The following FANCD2 variants were observed in gnomAD, a reference collection of about 807,000 sequenced individuals.
FANCD2 encodes Fanconi anemia group D2 protein.
Under a neutral mutation model 192.3 loss-of-function variants are expected in FANCD2, and 131 were observed. The observed-to-expected ratio is 0.68, with a 90% CI of 0.59 to 0.79. The LOEUF (loss-of-function observed/expected upper bound fraction) is 0.79, where lower values mean the gene tolerates loss of function less well. Among genes scored for constraint, FANCD2 ranks in the 30% least tolerant of loss-of-function variants. The pLI, the probability that FANCD2 is intolerant of heterozygous loss-of-function variation, is 0.00. For synonymous variants in FANCD2, 524 were observed against 612.5 expected, an observed-to-expected ratio of 0.86 and a Z score of 2.13; for missense variants, 1,508 against 1,701.6, an observed-to-expected ratio of 0.89 and a Z score of 2.00.
At chr3:10,074,746 A>G (rs1693444410) in intron 29 of FANCD2, 73 bp downstream of exon 29, 1 of 1,419,542 alleles carries the variant, frequency 7.0e-7, no homozygotes, top group African/African-American at 1.4e-5. Context: ...TTATTTCACA[A>G]AGAACACTGT....
chr3:10,038,607 T>A (rs1274670290), intron 7 of FANCD2, among the ~76,000 whole-genome samples: 3 of 141,084 alleles, frequency 2.1e-5, no homozygotes, highest in Non-Finnish European at 1.5e-5. Flanking sequence ...TGAGACAGAG[T>A]CTTGGCTCTG....
chr3:10,042,631 C>A lies in FANCD2; in HGVS notation c.856C>A (p.Leu286Ile). The A allele has an allele frequency of 6.2e-7, 1 of 1,613,944 alleles. No homozygotes were observed. The highest frequency in any genetic ancestry group is 8.5e-7 in the Non-Finnish European group (1 of 1,179,900). The part of the protein sequence containing the change: ...EDLPVIIKFI[L>I]HSVTAMDTLE... ...TTTACCTGTGATAATAAAGTTCATTCTTCATTCCGTAACAGCCATGGATAC... is the reference window on the plus strand; with the variant it reads ...TTTACCTGTGATAATAAAGTTCATTATTCATTCCGTAACAGCCATGGATAC... The change falls in exon 11 of 44, where the codon CTT becomes ATT. Residue 286 changes from leucine to isoleucine, a missense_variant. This residue lies in a region of FANCD2 where 435 missense variants were observed against 421.9 expected (regional missense o/e 1.03). Coordinates refer to ENST00000675286, the MANE Select transcript of FANCD2 (RefSeq NM_001018115.3).
chr3:10,083,528 C>T (rs1225674874), intron 32 of FANCD2: 1 of 152,070 alleles, frequency 6.6e-6, no homozygotes. Flanking sequence ...TCTTAAAAAG[C>T]TAGACATGCA....
At chr3:10,088,623 G>C in intron 35 of FANCD2, 81 bp downstream of exon 35, 1 of 1,152,678 alleles carries the variant, frequency 8.7e-7, no homozygotes, top group East Asian at 2.4e-5. Context: ...CTGGACAAAT[G>C]ACCTTTTTAG....
chr3:10,044,458 A>C (rs1306858362), intron 14 of FANCD2, among the ~76,000 whole-genome samples: 22 of 151,960 alleles, frequency 1.4e-4, no homozygotes, highest in Admixed American at 3.9e-4. Context: ...ATCTGAGGTC[A>C]GGAGTTTGAG....
chr3:10,094,237 C>A, intron 39 of FANCD2, 52 bp from the exon 40 acceptor site: 1 of 1,363,532 alleles, frequency 7.3e-7, no homozygotes, highest in Non-Finnish European at 1.1e-6. Flanking sequence ...GCCTCAGGGG[C>A]CTTTCAGTGA....
At chr3:10,031,426 C>G (rs969552627) in intron 2 of FANCD2, among the ~76,000 whole-genome samples, 1 of 150,346 alleles carries the variant, frequency 6.7e-6, no homozygotes, top group Non-Finnish European at 1.5e-5. Flanking sequence ...GGCATGAACC[C>G]GGGAGGCGGA....
intron 19 of FANCD2, 150 bp downstream of exon 19, chr3:10,060,553 G>A: frequency 5.7e-6 from 4 of 698,014 alleles, no homozygotes; most frequent in East Asian, 5.4e-5. Flanking sequence ...CCTTCTAATC[G>A]TGACTGTATA....
intron 43 of FANCD2, 129 bp from the exon 44 acceptor site, chr3:10,101,059 C>A: frequency 3.0e-6 from 2 of 662,580 alleles, no homozygotes; most frequent in Non-Finnish European, 5.3e-6. Context: ...CAGAGCAAGA[C>A]TCCTTTAAAA....
Position 10,029,193 on chromosome 3 carries a change from A to G in FANCD2, c.64+472A>G, listed in dbSNP as rs2086529805. On this transcript the variant is annotated intron_variant, in intron 2 of 43. Transcript: ENST00000675286. ...TGAGAAATAGTTGACAAAGATCCCAAGAGTTCCAGATATAAGGAGTTGATG... is the reference window on the plus strand; with the variant it reads ...TGAGAAATAGTTGACAAAGATCCCAGGAGTTCCAGATATAAGGAGTTGATG... Among the ~76,000 whole-genome samples the G allele has an allele frequency of 2.6e-5, 4 of 152,180 alleles. No homozygotes were observed. The South Asian group carries it at 8.3e-4, about 31-fold the overall frequency.
chr3:10,059,643 AT>A (rs1242197002), intron 18 of FANCD2, among the ~76,000 whole-genome samples: 2 of 152,048 alleles, frequency 1.3e-5, no homozygotes, highest in African/African-American at 2.4e-5. Flanking sequence ...TCTACTAAAA[AT>A]ACAAAAAATT....
Position 10,095,186 on chromosome 3 carries a change from CTT to C in FANCD2, c.3964-13_3964-12del. ...GGACATTTCATAGAGCATTTATAAA[CTT>C]ATTGGTTATAGGAAGATGTTCTGAG... On this transcript the variant is annotated splice_polypyrimidine_tract_variant and intron_variant, in intron 40 of 43. Coordinates refer to ENST00000675286, the MANE Select transcript of FANCD2 (RefSeq NM_001018115.3). 6.2e-7 allele frequency: 1 copy of C among 1,606,780 alleles called. No individual in the cohort carries two copies. Among genetic ancestry groups the C allele is most frequent in the Non-Finnish European group, 8.5e-7 (1 of 1,173,328 alleles).
chr3:10,081,603 T>C (rs1271370783), intron 32 of FANCD2, 139 bp downstream of exon 32: 2 of 769,710 alleles, frequency 2.6e-6, no homozygotes, highest in African/African-American at 1.7e-5. Flanking sequence ...TGTGGGAGTG[T>C]TTTTGTCTGT....
intron 2 of FANCD2, among the ~76,000 whole-genome samples, chr3:10,030,681 CCT>C (rs1484030501): frequency 6.6e-6 from 1 of 151,788 alleles, no homozygotes; most frequent in East Asian, 2.0e-4. Context: ...GGGCAGATCA[CCT>C]GAGGTCAGGA....
intron 20 of FANCD2, among the ~76,000 whole-genome samples, chr3:10,062,533 C>T (rs1333646479): frequency 6.6e-6 from 1 of 152,046 alleles, no homozygotes; most frequent in East Asian, 1.9e-4. Context: ...TGAGCCACCT[C>T]GCCCGGCCGA....
Position 10,041,632 on chromosome 3 carries a change from GAT to G in FANCD2, c.707_708del (p.Ile236ArgfsTer19), listed in dbSNP as rs2086865775. ...DVGKELSDLL[I>X]ENTSLTVPIL... is the part of the protein sequence containing the mutation. ...TTTCTACCATTCACAGTGACCTACT[GAT>G]AGAGAATACTTCACTCACTGTCCCA... On this transcript the variant is annotated frameshift_variant, in exon 10 of 44. Transcript: ENST00000675286. LOFTEE classifies it high-confidence loss of function. 1 of 1,612,544 alleles carries G rather than the reference GAT, an allele frequency of 6.2e-7. No homozygotes were observed. Among genetic ancestry groups the G allele is most frequent in the Non-Finnish European group, 8.5e-7 (1 of 1,178,782 alleles).
At chr3:10,061,021 A>G (rs1435913802) in intron 19 of FANCD2, among the ~76,000 whole-genome samples, 1 of 151,614 alleles carries the variant, frequency 6.6e-6, no homozygotes, top group African/African-American at 2.4e-5. Flanking sequence ...CAAAGAAAGC[A>G]AAGACAAAGT....
rs1449126896 is a variant in FANCD2 at position 10,039,307 on chromosome 3, C to T, written c.520C>T (p.Arg174Ter). ...NKNSDEINIP[R>*]LIVSQLKWLD... ...GAACAGTGATGAAATCAACATACCT[C>T]GACTCATTGTCAGTCAACTAAAATG... Residue 174 changes from arginine (R) to a stop codon, truncating the protein, a stop_gained, in exon 8 of 44, where the codon CGA (arginine) becomes TGA (stop). Coordinates refer to ENST00000675286, the MANE Select transcript of FANCD2 (RefSeq NM_001018115.3). LOFTEE classifies it high-confidence loss of function. 9 of 1,613,740 alleles carry T rather than the reference C, an allele frequency of 5.6e-6. No homozygotes were observed. The highest frequency in any genetic ancestry group is 4.5e-5 in the East Asian group (2 of 44,866).
intron 26 of FANCD2, among the ~76,000 whole-genome samples, chr3:10,069,981 GTC>G (rs1433351458): frequency 6.6e-6 from 1 of 150,702 alleles, no homozygotes; most frequent in Non-Finnish European, 1.5e-5. Context: ...AGTGAGGAGC[GTC>G]TCTGCCCGGC....
Sources: allele counts gnomAD v4.1 joint callset (sites outside exome capture counted in the v4.1 genomes callset), GRCh38; gene constraint gnomAD v4.1.1; regional missense constraint gnomAD v4.1.1; transcripts MANE v1.5; gene names NCBI Gene and HGNC (gene_info 2026-07-23, HGNC 2026-07-21).